HEXD: variants seen among roughly 807,000 people sequenced by gnomAD.
HEXD encodes the protein hexosaminidase D, also known as N-acetyl-beta-galactosaminidase.
HEXD carries 47 observed loss-of-function variants against 54.2 expected under a neutral mutation model. That is an observed-to-expected ratio of 0.87 (90% CI 0.69 to 1.11). HEXD has a LOEUF of 1.11. HEXD is among the 50% of genes least tolerant of loss of function. The probability of loss-of-function intolerance (pLI) is 0.00; values close to 1 mark genes in which losing one functional copy is unlikely to be tolerated. For missense variants in HEXD, 576 were observed against 649.2 expected (o/e 0.89, Z 1.23); for synonymous variants, 293 against 287.6 (o/e 1.02, Z -0.19).
At chr17:82,437,518 T>G (rs2053805377) in intron 8 of HEXD, among the ~76,000 whole-genome samples, 155 bp downstream of exon 8, 1 of 152,196 alleles carries the variant, frequency 6.6e-6, no homozygotes, top group Non-Finnish European at 1.5e-5. Context: ...CACGTGGGGT[T>G]GGGCCCTGCA....
intron 9 of HEXD, chr17:82,440,202 C>G (rs1182459530): frequency 2.3e-6 from 3 of 1,289,596 alleles, no homozygotes; most frequent in Admixed American, 2.3e-5. Context: ...GCCAGAGGAG[C>G]TGTGTGTGTG....
chr17:82,419,718 CCT>C, intron 1 of HEXD, 29 bp from the exon 2 acceptor site: 1 of 817,552 alleles, frequency 1.2e-6, no homozygotes, highest in Non-Finnish European at 2.1e-6. Context: ...AGCTTCTGCC[CCT>C]GTTGATAACT....
rs758665792 is a variant in HEXD, at chr17:82,441,801, T to C, written c.1165T>C (p.Tyr389His). The C allele has an allele frequency of 5.6e-6, 9 of 1,613,216 alleles. No individual in the cohort carries two copies. In the South Asian group the frequency reaches 9.9e-5, roughly 18 times the overall value. ...SVDALLEGNR[Y>H]VTGWFSPYHR... ...CACCCCTATGTGGATTTGCCCCAGG[T>C]ATGTCACTGGCTGGTTCAGCCCCTA... Residue 389 changes from tyrosine to histidine, a missense_variant and splice_region_variant, in exon 12 of 13, where the codon TAT becomes CAT. Tyr to His is a moderately conservative substitution (Grantham distance 83, BLOSUM62 2). Transcript: ENST00000327949.
chr17:82,430,673 G>A (rs1477601506), intron 4 of HEXD, among the ~76,000 whole-genome samples: 5 of 152,188 alleles, frequency 3.3e-5, no homozygotes, highest in Admixed American at 1.3e-4. Flanking sequence ...ACAGGCGTGA[G>A]CCACGGTGCC....
At chr17:82,439,802 C>G (rs1482779665) in intron 9 of HEXD, 89 bp downstream of exon 9, 21 of 1,595,026 alleles carry the variant, frequency 1.3e-5, no homozygotes, top group Non-Finnish European at 1.8e-5. Flanking sequence ...GCTCCAACCA[C>G]CCTGCTGGAC....
In HEXD at chr17:82,441,026, G is replaced by A. The variant is rs201246376; in HGVS notation, c.1012G>A (p.Val338Met). The change falls in exon 10 of 13, where the codon GTG becomes ATG. Residue 338 changes from valine (V) to methionine (M), a missense_variant. Transcript: ENST00000327949. ...GGFDEDVKAK[V>M]ENLLGISSLE... ...ATTTGATGAAGATGTTAAAGCGAAA[G>A]TGGAGAACCTTCTCGGGATTTCCAG... The A allele has an allele frequency of 1.4e-5, 23 of 1,613,634 alleles. No homozygotes were observed. Among genetic ancestry groups the A allele is most frequent in the Non-Finnish European group, 7.6e-6 (9 of 1,180,012 alleles).
intron 2 of HEXD, among the ~76,000 whole-genome samples, chr17:82,420,821 C>T (rs573603953): frequency 3.0e-4 from 45 of 152,302 alleles, no homozygotes; most frequent in Middle Eastern, 3.4e-3. Flanking sequence ...CCGCCTCAGC[C>T]TCCCAAAGTG....
chr17:82,440,266 G>A, intron 9 of HEXD: 1 of 1,286,680 alleles, frequency 7.8e-7, no homozygotes, highest in African/African-American at 1.5e-5. Flanking sequence ...GATGCAGAAA[G>A]AAAAATGGCC....
At chr17:82,436,773 G>T in intron 7 of HEXD, 35 bp downstream of exon 7, 1 of 1,588,464 alleles carries the variant, frequency 6.3e-7, no homozygotes, top group East Asian at 2.3e-5. Flanking sequence ...TGTTGTCCTG[G>T]CCATGTGCCT....
chr17:82,419,958 T>C, intron 2 of HEXD, 75 bp downstream of exon 2: 1 of 901,650 alleles, frequency 1.1e-6, no homozygotes, highest in Non-Finnish European at 1.8e-6. Flanking sequence ...AGCAGTGTTC[T>C]GTGGAAACGG....
rs774601538 is a variant in HEXD, at chr17:82,441,108, T to G, written c.1061+33T>G. 4 of 1,613,464 alleles carry G rather than the reference T, an allele frequency of 2.5e-6. No homozygotes were observed. In the Admixed American group the frequency reaches 5.0e-5, roughly 20 times the overall value. ...CCCTGCAGCCCTCCCTGTCCCCTTC[T>G]TCCCCTCCCCTTCCCCCGCCCGTGG... is the stretch of plus-strand genomic sequence containing the variant. On this transcript the variant is annotated intron_variant, in intron 10 of 12. Transcript: ENST00000327949.
chr17:82,437,167 G>A lies in HEXD; in HGVS notation c.704-1G>A. 1.9e-6 allele frequency: 3 copies of A among 1,580,268 alleles called. No homozygotes were observed. The highest frequency in any genetic ancestry group is 2.6e-6 in the Non-Finnish European group (3 of 1,158,376). On this transcript the variant is annotated splice_acceptor_variant, in intron 7 of 12. Coordinates refer to ENST00000327949, the MANE Select transcript of HEXD (RefSeq NM_001330542.2). LOFTEE classifies it high-confidence loss of function. ...ACTCACCTGTTTGCTTTCTCACCCA[G>A]TCCTCCTCATGCAGAAGTACCGGCG... is the stretch of plus-strand genomic sequence containing the variant.
chr17:82,442,096 G>A lies in HEXD; in HGVS notation c.1254-81G>A, dbSNP rs949616480. On this transcript the variant is annotated intron_variant, in intron 12 of 12. Transcript: ENST00000327949. This position sits in a 1 kb window ranked among gnomAD's most constrained non-coding sequence, Gnocchi z 6.8. ...TAGCCCCATTTCACAGGTGAACTGA[G>A]GCACAGGGCAGTACTGACCATGGGG... 4 of 1,507,238 alleles carry A rather than the reference G, an allele frequency of 2.7e-6. No individual in the cohort carries two copies. Among genetic ancestry groups the A allele is most frequent in the Non-Finnish European group, 2.7e-6 (3 of 1,113,468 alleles). 93.4% of individuals were successfully genotyped at this position (1,507,238 alleles called of 1,614,324 possible).
chr17:82,418,567 C>G lies in HEXD; in HGVS notation c.-225C>G, dbSNP rs954413027. ...GCCGTAACAGGGAGCGCGAGGCAGG[C>G]ACGGCGCAGGGACGCGAGTGCGACG... On this transcript the variant is annotated 5_prime_UTR_variant, in exon 1 of 13. Coordinates refer to ENST00000327949, the MANE Select transcript of HEXD (RefSeq NM_001330542.2). 1.3e-6 allele frequency: 1 copy of G among 748,278 alleles called. No individual in the cohort carries two copies. The highest frequency in any genetic ancestry group is 1.8e-6 in the Non-Finnish European group (1 of 540,966). 46.4% of individuals were successfully genotyped at this position (748,278 alleles called of 1,614,324 possible).
At chr17:82,427,357 T>C (rs912618519) in intron 3 of HEXD, 1 of 152,064 alleles carries the variant, frequency 6.6e-6, no homozygotes, top group Non-Finnish European at 1.5e-5. Context: ...TTGATGAGAA[T>C]GAGAAAGAGG....
At chr17:82,433,143 T>TTA (rs1491266948) in intron 4 of HEXD, among the ~76,000 whole-genome samples, 6 of 55,448 alleles carry the variant, frequency 1.1e-4, no homozygotes, top group African/African-American at 1.8e-4. Context: ...TTTTTTTTTT[T>TTA]TATATATATA....
intron 4 of HEXD, among the ~76,000 whole-genome samples, chr17:82,429,266 T>A (rs925596602): frequency 1.3e-5 from 2 of 151,604 alleles, no homozygotes; most frequent in South Asian, 2.1e-4. Context: ...TCTCAAAAAA[T>A]ATATATATAC....
chr17:82,438,239 A>G (rs1315282142), intron 8 of HEXD, among the ~76,000 whole-genome samples: 1 of 149,684 alleles, frequency 6.7e-6, no homozygotes. Flanking sequence ...CTCTGTCTCA[A>G]AAAAAAAAAA....
chr17:82,433,807 C>A lies in HEXD; in HGVS notation c.432C>A (p.His144Gln). Residue 144 changes from histidine (H) to glutamine (Q), a missense_variant, in exon 5 of 13, where the codon CAC becomes CAA. Coordinates refer to ENST00000327949, the MANE Select transcript of HEXD (RefSeq NM_001330542.2). The stretch of plus-strand genomic sequence containing the variant: ...TACACCCAGGCGCCCAGCGGCTGCA[C>A]ATCGGGTGTGATGAGGTGGGTACTG... ...LELHPGAQRL[H>Q]IGCDEVYYLG... The A allele has an allele frequency of 6.2e-7, 1 of 1,612,702 alleles. No homozygotes were observed. The highest frequency in any genetic ancestry group is 8.5e-7 in the Non-Finnish European group (1 of 1,179,598).
Sources: allele counts gnomAD v4.1 joint callset (sites outside exome capture counted in the v4.1 genomes callset), GRCh38; gene constraint gnomAD v4.1.1; non-coding constraint Gnocchi (gnomAD v3.1); transcripts MANE v1.5; gene names NCBI Gene and HGNC (gene_info 2026-07-23, HGNC 2026-07-21).